Variants in MED26 observed in about 807,000 individuals in gnomAD.
The protein encoded by MED26 is mediator of RNA polymerase II transcription subunit 26.
A neutral mutation model predicts 43.7 loss-of-function variants in MED26; 7 were observed. The ratio of observed to expected loss-of-function variants is 0.16; its 90% CI spans 0.09 to 0.30. The LOEUF is 0.30. Ranked by LOEUF, MED26 falls within the 10% of genes least tolerant of loss-of-function variation. The pLI is 1.00. For synonymous variants in MED26, 375 were observed against 371.1 expected (o/e 1.01, Z -0.12); for missense variants, 784 against 840.6 (o/e 0.93, Z 0.83).
At position 16,616,625 on chromosome 19, in the gene MED26, G is replaced by A. The variant is rs1391067004; in HGVS notation, c.72+11247C>T. ...ACAGCATGACAAAGGCAGAGATGAA[G>A]AAGGTGTATCCACTTTGGAGTGGGC... is the stretch of plus-strand genomic sequence containing the variant. On this transcript the variant is annotated intron_variant, in intron 1 of 2. Coordinates refer to ENST00000263390, the MANE Select transcript of MED26 (RefSeq NM_004831.5). Among the ~76,000 whole-genome samples the A allele has an allele frequency of 3.9e-5, 6 of 152,342 alleles. No individual in the cohort carries two copies. In the East Asian group the frequency reaches 1.2e-3, roughly 29 times the overall value.
intron 1 of MED26, among the ~76,000 whole-genome samples, chr19:16,610,031 C>T (rs1390178098): frequency 1.3e-5 from 2 of 151,002 alleles, no homozygotes; most frequent in Admixed American, 6.6e-5. Flanking sequence ...AACCCCAACC[C>T]TTTGGGATGC....
chr19:16,578,254 AG>A (rs2086023548), intron 2 of MED26, 80 bp downstream of exon 2: 1 of 1,294,382 alleles, frequency 7.7e-7, no homozygotes, highest in African/African-American at 1.5e-5. Context: ...TGATGCTCCC[AG>A]AAGCTGCGGA....
chr19:16,621,130 G>A (rs185970652), intron 1 of MED26, among the ~76,000 whole-genome samples: 8 of 152,328 alleles, frequency 5.3e-5, no homozygotes, highest in Admixed American at 4.6e-4. Flanking sequence ...GGGCACCACC[G>A]ATGTGGGAAG....
chr19:16,614,555 G>T lies in MED26; in HGVS notation c.72+13317C>A, dbSNP rs571159211. Among the ~76,000 whole-genome samples the T allele has an allele frequency of 8.5e-5, 13 of 152,096 alleles. No individual in the cohort carries two copies. In the East Asian group the frequency reaches 1.7e-3, roughly 20 times the overall value. ...ATAAAATAAAATAAAATAAAAAGGT[G>T]GGGGGTGGGTGGGGAGTGTCTGCCC... On this transcript the variant is annotated intron_variant, in intron 1 of 2. Transcript: ENST00000263390.
At chr19:16,607,149 C>T (rs917989237) in intron 1 of MED26, among the ~76,000 whole-genome samples, 2 of 151,944 alleles carry the variant, frequency 1.3e-5, no homozygotes, top group Non-Finnish European at 2.9e-5. Context: ...TAAGACCAGC[C>T]TGGGCAACAT....
At chr19:16,606,958 A>T (rs771109509) in intron 1 of MED26, among the ~76,000 whole-genome samples, 1 of 152,190 alleles carries the variant, frequency 6.6e-6, no homozygotes, top group Non-Finnish European at 1.5e-5. Context: ...TCTGGGCTCA[A>T]ATGATCCTCT....
chr19:16,580,880 C>T (rs2086041767), intron 1 of MED26, among the ~76,000 whole-genome samples: 1 of 152,172 alleles, frequency 6.6e-6, no homozygotes. Flanking sequence ...CTAGGCAGGG[C>T]CTGCCCAGAT....
chr19:16,599,651 G>GC (rs1274443961), intron 1 of MED26, among the ~76,000 whole-genome samples: 1 of 152,102 alleles, frequency 6.6e-6, no homozygotes, highest in Admixed American at 6.5e-5. Context: ...TCACTGTTGC[G>GC]CCCCCTCCCT....
chr19:16,578,395 C>G lies in MED26; in HGVS notation c.87G>C (p.Val29=). The G allele has an allele frequency of 1.2e-6, 2 of 1,614,086 alleles. No individual in the cohort carries two copies. The highest frequency in any genetic ancestry group is 1.7e-6 in the Non-Finnish European group (2 of 1,180,008). ...IDPQSNIRNM[V]AVLEVISSLE... ...GGCTGGAGATGACTTCCAGCACCGC[C>G]ACCATGTTCCGGATCTGTGGAAATA... The change falls in exon 2 of 3, where the codon GTG becomes GTC. Residue 29 remains valine, a synonymous_variant. Transcript: ENST00000263390.
chr19:16,622,553 C>G (rs76259294), intron 1 of MED26, among the ~76,000 whole-genome samples: 1 of 152,174 alleles, frequency 6.6e-6, no homozygotes. Flanking sequence ...AAATCCACAC[C>G]CTGCTCTAAG....
intron 1 of MED26, among the ~76,000 whole-genome samples, chr19:16,590,559 G>A (rs2086091106): frequency 6.6e-6 from 1 of 152,054 alleles, no homozygotes; most frequent in Non-Finnish European, 1.5e-5. Context: ...TTTCATTTCT[G>A]GCCTTGTAAT....
chr19:16,598,736 C>T (rs1290548240), intron 1 of MED26, among the ~76,000 whole-genome samples: 2 of 152,216 alleles, frequency 1.3e-5, no homozygotes, highest in East Asian at 1.9e-4. Flanking sequence ...GAAGACCTCA[C>T]TTCTGACACT....
At position 16,577,122 on chromosome 19, in the gene MED26, G is replaced by T. The variant is rs1256972159; in HGVS notation, c.708C>A (p.Gly236=). The change falls in exon 3 of 3, where the codon GGC becomes GGA. Residue 236 remains glycine, a synonymous_variant. Transcript: ENST00000263390. The surrounding 1 kb of genome is among the most constrained non-coding windows in gnomAD (Gnocchi z 8.1). ...VRPHTSSPGL[G]KPPGPCLQPK... ...GCTGCAAGCAGGGTCCAGGGGGCTT[G>T]CCCAGGCCCGGGGAGCTGGTGTGCG... The T allele has an allele frequency of 2.1e-5, 34 of 1,613,056 alleles. No individual in the cohort carries two copies. Among genetic ancestry groups the T allele is most frequent in the Non-Finnish European group, 2.8e-5 (33 of 1,179,828 alleles).
intron 1 of MED26, among the ~76,000 whole-genome samples, chr19:16,594,941 C>T (rs1440391162): frequency 6.6e-6 from 1 of 152,222 alleles, no homozygotes; most frequent in Non-Finnish European, 1.5e-5. Context: ...ACCCATCAGC[C>T]TGCCTCGGCC....
chr19:16,613,939 C>G (rs370571365), intron 1 of MED26, among the ~76,000 whole-genome samples: 2 of 152,170 alleles, frequency 1.3e-5, no homozygotes, highest in East Asian at 3.9e-4. Flanking sequence ...CTCACTTCCC[C>G]CCTTCCAACC....
chr19:16,622,147 A>G (rs2086254565), intron 1 of MED26, among the ~76,000 whole-genome samples: 1 of 152,252 alleles, frequency 6.6e-6, no homozygotes, highest in African/African-American at 2.4e-5. Flanking sequence ...TAAGAAAGCC[A>G]TCTCATATTC....
At chr19:16,590,832 GT>G (rs2086092369) in intron 1 of MED26, among the ~76,000 whole-genome samples, 1 of 152,070 alleles carries the variant, frequency 6.6e-6, no homozygotes, top group Admixed American at 6.6e-5. Flanking sequence ...GAGGCCAGGA[GT>G]TTGAGACCAG....
chr19:16,582,156 C>A (rs985458629), intron 1 of MED26, among the ~76,000 whole-genome samples: 1 of 152,234 alleles, frequency 6.6e-6, no homozygotes, highest in African/African-American at 2.4e-5. Flanking sequence ...TCCAGTGCGG[C>A]CACTCCCTGG....
intron 1 of MED26, among the ~76,000 whole-genome samples, chr19:16,622,326 C>T (rs1465877902): frequency 6.6e-6 from 1 of 152,204 alleles, no homozygotes; most frequent in Non-Finnish European, 1.5e-5. Flanking sequence ...CTATGAGGCG[C>T]CAAGCCCCTT....
Sources: gnomAD v4.1 joint callset for allele counts (sites outside exome capture counted in the v4.1 genomes callset) on GRCh38, gnomAD v4.1.1 for gene constraint, Gnocchi (gnomAD v3.1) non-coding constraint, MANE v1.5 for transcripts, NCBI Gene and HGNC (gene_info 2026-07-23, HGNC 2026-07-21) for gene names.